Variants in TANC1 observed in about 807,000 individuals in gnomAD.
TANC1 encodes tetratricopeptide repeat, ankyrin repeat and coiled-coil containing 1.
A neutral mutation model predicts 149.7 loss-of-function variants in TANC1; 77 were observed. That is an observed-to-expected ratio of 0.51 (90% CI 0.43 to 0.62). The LOEUF (loss-of-function observed/expected upper bound fraction) is 0.62. TANC1 is among the 20% of genes least tolerant of loss of function. The pLI is 0.00. For synonymous variants in TANC1, 854 were observed against 925.0 expected (o/e 0.92, Z 1.39); for missense variants, 1,985 against 2,321.8 (o/e 0.85, Z 2.98).
intron 19 of TANC1, among the ~76,000 whole-genome samples, chr2:159,214,171 G>A (rs1291064117): frequency 1.5e-4 from 16 of 108,792 alleles, no homozygotes; most frequent in Non-Finnish European, 2.6e-4. Context: ...AAATGTTGTG[G>A]TGGTTGGGTG....
intron 14 of TANC1, 25 bp downstream of exon 14, chr2:159,179,188 T>C (rs758038512): frequency 2.5e-6 from 4 of 1,586,464 alleles, no homozygotes; most frequent in African/African-American, 1.4e-5. Context: ...TTCTTTCAGC[T>C]CTTTGCAGGG....
intron 2 of TANC1, among the ~76,000 whole-genome samples, chr2:159,058,022 CAG>C (rs1215034964): frequency 6.6e-6 from 1 of 152,144 alleles, no homozygotes; most frequent in African/African-American, 2.4e-5. Flanking sequence ...GAAATGAAGA[CAG>C]GGAACTCCTG....
At chr2:159,039,232 C>T (rs925892313) in intron 2 of TANC1, among the ~76,000 whole-genome samples, 5 of 151,480 alleles carry the variant, frequency 3.3e-5, no homozygotes, top group Admixed American at 6.6e-5. Flanking sequence ...CTGTTTGATT[C>T]TTCTCTTCTT....
chr2:159,008,910 C>T (rs547504870), intron 2 of TANC1, among the ~76,000 whole-genome samples: 2 of 152,182 alleles, frequency 1.3e-5, no homozygotes, highest in East Asian at 3.9e-4. Flanking sequence ...CAGTAACCAC[C>T]TAGACCAACA....
At chr2:158,992,100 T>A (rs1335270971) in intron 1 of TANC1, among the ~76,000 whole-genome samples, 1 of 151,800 alleles carries the variant, frequency 6.6e-6, no homozygotes, top group Non-Finnish European at 1.5e-5. Flanking sequence ...TGGTGGCTCA[T>A]GTCTGTAATC....
chr2:159,197,076 G>C (rs146999619), intron 18 of TANC1, among the ~76,000 whole-genome samples: 87 of 152,172 alleles, frequency 5.7e-4, no homozygotes, highest in Non-Finnish European at 9.7e-4. Context: ...TCCCTGCTCT[G>C]CCCTCTAGAC....
chr2:159,021,274 A>G (rs2038812285), intron 2 of TANC1, among the ~76,000 whole-genome samples: 1 of 152,096 alleles, frequency 6.6e-6, no homozygotes, highest in South Asian at 2.1e-4. Context: ...CATCTCCTTG[A>G]CTTTTGTCCT....
chr2:159,110,247 C>T lies in TANC1; in HGVS notation c.259+12413C>T, dbSNP rs116469345. Among the ~76,000 whole-genome samples, 961 of 152,240 alleles carry T rather than the reference C, an allele frequency of 6.3e-3. 10 individuals are homozygous for T. The highest frequency in any genetic ancestry group is 0.022 in the African/African-American group (921 of 41,538). On this transcript the variant is annotated intron_variant, in intron 4 of 26. Coordinates refer to ENST00000263635, the MANE Select transcript of TANC1 (RefSeq NM_033394.3). ...GTGACACAAAGCCATTTAGTGCAAG[C>T]GAAGGATATATGTATAGGAAAAAGC... is the stretch of plus-strand genomic sequence containing the variant.
At chr2:159,114,415 A>G (rs1389526217) in intron 4 of TANC1, among the ~76,000 whole-genome samples, 1 of 152,156 alleles carries the variant, frequency 6.6e-6, no homozygotes, top group Non-Finnish European at 1.5e-5. Context: ...CTGTACAGTT[A>G]ATTTTTTCTT....
intron 2 of TANC1, among the ~76,000 whole-genome samples, chr2:159,006,895 C>T (rs943598022): frequency 2.6e-5 from 4 of 152,148 alleles, no homozygotes; most frequent in African/African-American, 7.2e-5. Context: ...TAAAGTGTCC[C>T]ATTAGAATTT....
At chr2:159,142,192 A>C (rs1433218250) in intron 5 of TANC1, among the ~76,000 whole-genome samples, 14 of 152,222 alleles carry the variant, frequency 9.2e-5, no homozygotes, top group Admixed American at 9.2e-4. Flanking sequence ...TGTAGACTTA[A>C]TTCAGAGGTT....
rs1228217876 is a variant in TANC1, at chr2:159,007,147, T to TG, written c.-16+5958_-16+5959insG. On this transcript the variant is annotated intron_variant, in intron 2 of 26. Coordinates refer to ENST00000263635, the MANE Select transcript of TANC1 (RefSeq NM_033394.3). The stretch of plus-strand genomic sequence containing the variant: ...TTTTATCTTTAATACTGTTTTTTTT[T>TG]TTTTTTTTTTTTTTTTGAGACAGAG... Among the ~76,000 whole-genome samples the TG allele has an allele frequency of 1.0e-4, 15 of 145,112 alleles. No homozygotes were observed. The East Asian group carries it at 2.8e-3, about 28-fold the overall frequency.
rs754052800 is a variant in TANC1, at chr2:159,136,002, T to TTGTGTGTGTGTGTGTGTG, written c.260-161_260-144dup. Among the ~76,000 whole-genome samples the TTGTGTGTGTGTGTGTGTG allele has an allele frequency of 1.4e-3, 152 of 107,854 alleles. 1 individual carries two copies. The highest frequency in any genetic ancestry group is 2.3e-3 in the Non-Finnish European group (106 of 46,016). The allele number at this position is 107,854 out of a possible 152,430, so 70.8% of individuals were successfully genotyped here. A position where few individuals can be genotyped will look rare whatever the true frequency, so the allele number is the denominator to read the frequency against. On this transcript the variant is annotated intron_variant, in intron 4 of 26. Transcript: ENST00000263635. ...ACGTTCCCTCGTCTGTACTGAAATT[T>TTGTGTGTGTGTGTGTGTG]TGTGTGTGTGTGTGTGTGTGTGTGT...
Position 159,230,951 on chromosome 2 carries a change from C to A in TANC1, c.5525C>A (p.Ala1842Asp). The change falls in exon 27 of 27, where the codon GCC becomes GAC. Residue 1842 changes from alanine to aspartate, a missense_variant. By Grantham distance (126) the Ala-to-Asp change is moderately radical. Transcript: ENST00000263635. The surrounding 1 kb of genome is among the most constrained non-coding windows in gnomAD (Gnocchi z 4.4). ...CAGCAGCCTCATATTAGTAATGAAG[C>A]CCACAGGAGCCACCTCACTGCAGCC... ...SKQQPHISNE[A>D]HRSHLTAAKP... is the part of the protein sequence containing the mutation. 1 of 1,614,064 alleles carries A rather than the reference C, an allele frequency of 6.2e-7. No individual in the cohort carries two copies. Among genetic ancestry groups the A allele is most frequent in the East Asian group, 2.2e-5 (1 of 44,882 alleles).
At chr2:159,146,189 C>T (rs939427463) in intron 5 of TANC1, among the ~76,000 whole-genome samples, 2 of 152,266 alleles carry the variant, frequency 1.3e-5, no homozygotes, top group East Asian at 3.9e-4. Context: ...TTCTCCCAGG[C>T]GGTCCTTCTG....
chr2:159,159,962 C>A (rs1194072505), intron 7 of TANC1, among the ~76,000 whole-genome samples: 1 of 151,940 alleles, frequency 6.6e-6, no homozygotes, highest in Non-Finnish European at 1.5e-5. Context: ...TTGAGACCAG[C>A]CTGGGCAGCA....
At chr2:158,978,242 C>T (rs2033918888) in intron 1 of TANC1, among the ~76,000 whole-genome samples, 1 of 152,104 alleles carries the variant, frequency 6.6e-6, no homozygotes, top group Admixed American at 6.5e-5. Flanking sequence ...GGACTTGTTA[C>T]TCTGGGGTGG....
At chr2:159,077,853 T>TA (rs1326850626) in intron 3 of TANC1, among the ~76,000 whole-genome samples, 3 of 152,242 alleles carry the variant, frequency 2.0e-5, no homozygotes, top group Non-Finnish European at 2.9e-5. Flanking sequence ...TTTGTTCATT[T>TA]AAAACTTTTC....
At position 159,219,879 on chromosome 2, in the gene TANC1, C is replaced by T; in HGVS notation, c.3678+12C>T. The T allele has an allele frequency of 6.2e-7, 1 of 1,612,272 alleles. No individual in the cohort carries two copies. Among genetic ancestry groups the T allele is most frequent in the Non-Finnish European group, 8.5e-7 (1 of 1,179,862 alleles). Reference sequence around the variant, plus strand: ...GCGATGCCGAGACTGTGAGTACCAGCAGGTGTTCCCCACCTCCACCTGCAT... The same window carrying T: ...GCGATGCCGAGACTGTGAGTACCAGTAGGTGTTCCCCACCTCCACCTGCAT... On this transcript the variant is annotated intron_variant, in intron 22 of 26. Transcript: ENST00000263635.
Sources: gnomAD v4.1 joint callset for allele counts (sites outside exome capture counted in the v4.1 genomes callset) on GRCh38, gnomAD v4.1.1 for gene constraint, Gnocchi (gnomAD v3.1) non-coding constraint, MANE v1.5 for transcripts, NCBI Gene and HGNC (gene_info 2026-07-23, HGNC 2026-07-21) for gene names.